Variants in PDK3 observed in about 807,000 individuals in gnomAD.
PDK3 encodes pyruvate dehydrogenase kinase 3, also known as pyruvate dehydrogenase kinase, isozyme 3.
Under a neutral mutation model 32.0 loss-of-function variants are expected in PDK3, and 12 were observed. That is an observed-to-expected ratio of 0.37 (90% CI 0.24 to 0.61). The LOEUF (loss-of-function observed/expected upper bound fraction) is 0.61, where lower values mean the gene tolerates loss of function less well. PDK3 is among the 20% of genes least tolerant of loss of function. The pLI is 0.65. For missense variants in PDK3, 188 were observed against 316.9 expected, an observed-to-expected ratio of 0.59 and a Z score of 3.09; for synonymous variants, 122 against 116.3, an observed-to-expected ratio of 1.05 and a Z score of -0.31.
At chrX:24,480,682 G>A (rs1457372516) in intron 1 of PDK3, among the ~76,000 whole-genome samples, 2 of 112,455 alleles carry the variant, frequency 1.8e-5, no homozygotes, top group Non-Finnish European at 3.8e-5. Context: ...GGTTAACACC[G>A]AAGTCATTCT....
intron 5 of PDK3, among the ~76,000 whole-genome samples, chrX:24,518,118 C>A (rs1220522459): frequency 8.9e-6 from 1 of 111,839 alleles, no homozygotes; most frequent in Non-Finnish European, 1.9e-5. Flanking sequence ...TAAACAAGTA[C>A]GTGTTTGGTA....
At chrX:24,509,388 C>T (rs1922064154) in intron 5 of PDK3, among the ~76,000 whole-genome samples, 1 of 111,494 alleles carries the variant, frequency 9.0e-6, no homozygotes, top group Non-Finnish European at 1.9e-5. Flanking sequence ...ATCATTCCTG[C>T]CACTCACTTA....
chrX:24,545,417 G>C (rs774379167), exon 12 of PDK3: 2 of 112,269 alleles, frequency 1.8e-5, no homozygotes, highest in Non-Finnish European at 3.8e-5. Context: ...TTTTGAAAGT[G>C]CATTTGTAGG....
intron 5 of PDK3, among the ~76,000 whole-genome samples, chrX:24,510,325 G>C (rs1258068585): frequency 8.9e-6 from 1 of 112,091 alleles, no homozygotes; most frequent in Non-Finnish European, 1.9e-5. Context: ...CACATTTTAC[G>C]GTTTCCCACT....
At chrX:24,465,847 T>A (rs1303013069) in intron 1 of PDK3, among the ~76,000 whole-genome samples, 1 of 111,732 alleles carries the variant, frequency 8.9e-6, no homozygotes, top group Non-Finnish European at 1.9e-5. Context: ...TCAAATCTGC[T>A]TGACACAAAC....
intron 9 of PDK3, among the ~76,000 whole-genome samples, chrX:24,530,364 G>A (rs1372360072): frequency 8.9e-6 from 1 of 111,880 alleles, no homozygotes; most frequent in Non-Finnish European, 1.9e-5. Context: ...GCTCCTAGTA[G>A]CCATAGTACC....
At chrX:24,548,330 T>A (rs1157701817) in exon 12 of PDK3, 1 of 112,596 alleles carries the variant, frequency 8.9e-6, no homozygotes, top group Non-Finnish European at 1.9e-5. Flanking sequence ...TGATTTTGTT[T>A]GATAATTTTG....
intron 1 of PDK3, among the ~76,000 whole-genome samples, chrX:24,492,519 G>C (rs751720789): frequency 1.0e-3 from 116 of 111,580 alleles, no homozygotes; most frequent in African/African-American, 3.6e-3. Flanking sequence ...AACCTGGGGG[G>C]TGGAGGTTGC....
chrX:24,465,349 G>C lies in PDK3; in HGVS notation c.-107G>C. 2.0e-6 allele frequency: 1 copy of C among 507,741 alleles called. No homozygotes were observed. 41.8% of individuals were successfully genotyped at this position (507,741 alleles called of 1,213,427 possible). On this transcript the variant is annotated 5_prime_UTR_variant, in exon 1 of 11. Coordinates refer to ENST00000379162, the MANE Select transcript of PDK3 (RefSeq NM_005391.5). ...CCGGCGGCGCCGAGGCCGAGATCGA[G>C]GCCGGGGTGCGCGCTTCGCAAACGT...
intron 5 of PDK3, among the ~76,000 whole-genome samples, chrX:24,510,505 G>GT (rs1278671240): frequency 8.9e-6 from 1 of 112,478 alleles, no homozygotes; most frequent in African/African-American, 3.2e-5. Flanking sequence ...TAGTGAGAAC[G>GT]TTGTTTTATA....
rs372442017 is a variant in PDK3, at chrX:24,503,342, G to C, written c.336G>C (p.Leu112=). 4.7e-5 allele frequency: 57 copies of C among 1,200,497 alleles called. No homozygotes were observed. Among genetic ancestry groups the C allele is most frequent in the Non-Finnish European group, 5.8e-5 (52 of 890,441 alleles). ...TCTCACACAGCTTTCTACAAGTTCTGATTAAAGTCAGAAATAGACACAATG... is the reference window on the plus strand; with the variant it reads ...TCTCACACAGCTTTCTACAAGTTCTCATTAAAGTCAGAAATAGACACAATG... ...PQVLDNFLQV[L]IKVRNRHNDV... The change falls in exon 4 of 11, where the codon CTG becomes CTC. Residue 112 remains leucine (L), a synonymous_variant. Coordinates refer to ENST00000379162, the MANE Select transcript of PDK3 (RefSeq NM_005391.5).
chrX:24,541,864 T>TCTC (rs1922900986), exon 12 of PDK3, among the ~76,000 whole-genome samples: 1 of 112,756 alleles, frequency 8.9e-6, no homozygotes, highest in African/African-American at 3.2e-5. Flanking sequence ...CCCATTCCTC[T>TCTC]GTACTGCTCT....
At chrX:24,520,425 C>T (rs370966165) in intron 6 of PDK3, among the ~76,000 whole-genome samples, 12 of 111,641 alleles carry the variant, frequency 1.1e-4, no homozygotes, top group Admixed American at 2.9e-4. Context: ...ATACAGGCTA[C>T]AAAAGTTTAT....
At chrX:24,543,835 T>C (rs1331223686) in exon 12 of PDK3, among the ~76,000 whole-genome samples, 1 of 112,403 alleles carries the variant, frequency 8.9e-6, no homozygotes, top group Non-Finnish European at 1.9e-5. Flanking sequence ...AACAATTTTG[T>C]CTACAGTTTT....
At chrX:24,485,240 C>T (rs750711741) in intron 1 of PDK3, among the ~76,000 whole-genome samples, 13 of 111,488 alleles carry the variant, frequency 1.2e-4, no homozygotes, top group Middle Eastern at 4.6e-3. Context: ...CCCAGCTACT[C>T]GGGAGGCTGA....
At chrX:24,541,758 G>T (rs895958060) in exon 12 of PDK3, among the ~76,000 whole-genome samples, 1 of 112,409 alleles carries the variant, frequency 8.9e-6, no homozygotes, top group African/African-American at 3.2e-5. Context: ...AGAGAATCTG[G>T]CTGTTTACTG....
At chrX:24,479,959 A>T (rs1921210751) in intron 1 of PDK3, among the ~76,000 whole-genome samples, 1 of 111,375 alleles carries the variant, frequency 9.0e-6, no homozygotes, top group African/African-American at 3.3e-5. Flanking sequence ...TAAGAAGATG[A>T]CTCACACGTA....
intron 1 of PDK3, 121 bp downstream of exon 1, chrX:24,465,682 C>T (rs999081952): frequency 1.3e-5 from 7 of 537,257 alleles, no homozygotes; most frequent in Middle Eastern, 3.9e-4. Flanking sequence ...AGGGAATATC[C>T]GGGGGGCTCT....
At chrX:24,539,599 G>C (rs1267985539) in exon 12 of PDK3, 1 of 114,373 alleles carries the variant, frequency 8.7e-6, no homozygotes, top group African/African-American at 3.3e-5. Context: ...CTGGGACCCT[G>C]AAAGTGGAAG....
Sources: allele counts gnomAD v4.1 joint callset (sites outside exome capture counted in the v4.1 genomes callset), GRCh38; gene constraint gnomAD v4.1.1; transcripts MANE v1.5; gene names NCBI Gene and HGNC (gene_info 2026-07-23, HGNC 2026-07-21).